Variants in CASK observed in about 807,000 individuals in gnomAD.
The protein encoded by CASK is peripheral plasma membrane protein CASK.
CASK carries 4 observed loss-of-function variants against 82.9 expected under a neutral mutation model. That is an observed-to-expected ratio of 0.05 (90% CI 0.02 to 0.11). CASK has a LOEUF of 0.11. Ranked by LOEUF, CASK falls within the 10% of genes least tolerant of loss-of-function variation. The probability of loss-of-function intolerance (pLI) is 1.00; values close to 1 mark genes in which losing one functional copy is unlikely to be tolerated. For synonymous variants in CASK, 259 were observed against 253.5 expected, an observed-to-expected ratio of 1.02 and a Z score of -0.20; for missense variants, 358 against 720.9, an observed-to-expected ratio of 0.50 and a Z score of 5.76.
At chrX:41,620,912 C>T (rs1055747920) in intron 11 of CASK, among the ~76,000 whole-genome samples, 14 of 111,687 alleles carry the variant, frequency 1.3e-4, no homozygotes, top group Admixed American at 7.6e-4. Context: ...ATTCTGTCAG[C>T]GTATAGATGT....
At chrX:41,852,653 T>C (rs2071287049) in intron 2 of CASK, among the ~76,000 whole-genome samples, 1 of 111,548 alleles carries the variant, frequency 9.0e-6, no homozygotes, top group Non-Finnish European at 1.9e-5. Flanking sequence ...ATATCATATG[T>C]GACTTAAGCC....
chrX:41,899,334 C>T (rs1393980240), intron 1 of CASK, among the ~76,000 whole-genome samples: 1 of 111,358 alleles, frequency 9.0e-6, no homozygotes. Context: ...TTGTAGGTAG[C>T]ATATGGTTGA....
intron 14 of CASK, chrX:41,584,986 G>C (rs972170983): frequency 2.7e-5 from 3 of 112,515 alleles, no homozygotes; most frequent in Non-Finnish European, 5.6e-5. Context: ...AGCTCAATGA[G>C]AACAACAAAA....
At chrX:41,902,081 T>C (rs1230960602) in intron 1 of CASK, among the ~76,000 whole-genome samples, 2 of 111,172 alleles carry the variant, frequency 1.8e-5, no homozygotes, top group African/African-American at 3.3e-5. Context: ...AGTCCATGGA[T>C]GGTGGGCCTG....
At chrX:41,912,298 CT>C (rs1249901381) in intron 1 of CASK, among the ~76,000 whole-genome samples, 1 of 75,551 alleles carries the variant, frequency 1.3e-5, no homozygotes, top group Non-Finnish European at 2.6e-5. Context: ...TGTTTGTTTT[CT>C]GTTTTTTTTT....
chrX:41,724,284 A>C (rs2068216969), intron 5 of CASK: 1 of 112,761 alleles, frequency 8.9e-6, no homozygotes, highest in Non-Finnish European at 1.9e-5. Flanking sequence ...TAAACTACTC[A>C]TACAGGTAAG....
chrX:41,541,687 G>A (rs989381447), intron 22 of CASK, among the ~76,000 whole-genome samples: 2 of 111,840 alleles, frequency 1.8e-5, no homozygotes, highest in African/African-American at 6.5e-5. Flanking sequence ...TTCAGAGTAC[G>A]TTATAACATT....
chrX:41,715,734 G>A (rs10127408), intron 5 of CASK, among the ~76,000 whole-genome samples: 1,129 of 111,944 alleles, frequency 0.01, 13 homozygotes, highest in African/African-American at 0.034. Context: ...GTGGATAAAC[G>A]GGTACTGCAA....
intron 1 of CASK, among the ~76,000 whole-genome samples, chrX:41,899,093 T>C (rs2072322098): frequency 8.9e-6 from 1 of 111,924 alleles, no homozygotes; most frequent in South Asian, 3.7e-4. Flanking sequence ...ATGTAAATGT[T>C]CTGATGTTGG....
At chrX:41,523,620 T>C (rs1162737729) in intron 26 of CASK, among the ~76,000 whole-genome samples, 1 of 112,430 alleles carries the variant, frequency 8.9e-6, no homozygotes, top group Non-Finnish European at 1.9e-5. Context: ...AGCTGATTTC[T>C]AGGTTTGGTA....
At chrX:41,618,757 A>G (rs2066239579) in intron 11 of CASK, among the ~76,000 whole-genome samples, 1 of 110,429 alleles carries the variant, frequency 9.1e-6, no homozygotes, top group African/African-American at 3.3e-5. Flanking sequence ...CCCACCCACA[A>G]AATCATGTTT....
chrX:41,824,761 T>C (rs1427260625), intron 2 of CASK, among the ~76,000 whole-genome samples: 1 of 111,481 alleles, frequency 9.0e-6, no homozygotes, highest in Non-Finnish European at 1.9e-5. Flanking sequence ...TGAACCTCAC[T>C]GTGATCCGGT....
chrX:41,752,733 C>T (rs1424216472), intron 3 of CASK, among the ~76,000 whole-genome samples: 1 of 111,925 alleles, frequency 8.9e-6, no homozygotes, highest in Non-Finnish European at 1.9e-5. Flanking sequence ...GGCATAGGTC[C>T]AATCTTACAG....
chrX:41,854,143 A>G (rs1416504549), intron 1 of CASK, among the ~76,000 whole-genome samples: 1 of 110,119 alleles, frequency 9.1e-6, no homozygotes, highest in Non-Finnish European at 1.9e-5. Context: ...GCTGACCCAG[A>G]CCTCACAGTT....
intron 2 of CASK, among the ~76,000 whole-genome samples, chrX:41,788,496 T>A (rs774308115): frequency 7.2e-5 from 8 of 111,700 alleles, no homozygotes; most frequent in African/African-American, 2.3e-4. Flanking sequence ...AGGCTAAGGA[T>A]GTACTGCAGA....
At chrX:41,586,699 C>T (rs17315793) in intron 14 of CASK, 10,161 of 396,949 alleles carry the variant, frequency 0.026, 136 homozygotes, top group Non-Finnish European at 0.036. Context: ...TGAAAAGCCA[C>T]TTCACCAAGA....
intron 11 of CASK, among the ~76,000 whole-genome samples, chrX:41,615,832 G>A (rs772213755): frequency 1.8e-5 from 2 of 110,417 alleles, no homozygotes; most frequent in South Asian, 7.8e-4. Flanking sequence ...TCACCATGTC[G>A]GCCAGGCTGG....
chrX:41,697,994 G>C (rs2067722129), intron 5 of CASK: 1 of 110,356 alleles, frequency 9.1e-6, no homozygotes, highest in Admixed American at 9.7e-5. Flanking sequence ...TAGAGACGGG[G>C]TTTCATATGT....
chrX:41,522,792 T>C (rs1271222344), intron 26 of CASK, among the ~76,000 whole-genome samples: 1 of 112,589 alleles, frequency 8.9e-6, no homozygotes, highest in Admixed American at 9.4e-5. Context: ...TAAGAATCTT[T>C]TAAGACGAAG....
Sources: allele counts gnomAD v4.1 joint callset (sites outside exome capture counted in the v4.1 genomes callset), GRCh38; gene constraint gnomAD v4.1.1; transcripts MANE v1.5; gene names NCBI Gene and HGNC (gene_info 2026-07-23, HGNC 2026-07-21).